Variants in TSPYL5 observed in about 807,000 individuals in gnomAD.
The protein encoded by TSPYL5 is testis-specific Y-encoded-like protein 5.
For synonymous variants in TSPYL5, 276 were observed against 236.1 expected (o/e 1.17, Z -1.55); for missense variants, 556 against 555.5 (o/e 1.00, Z -0.01).
Position 97,276,943 on chromosome 8 carries a change from T to C in TSPYL5, c.902A>G (p.Asn301Ser), listed in dbSNP as rs1241903897. The C allele has an allele frequency of 6.2e-7, 1 of 1,614,018 alleles. No homozygotes were observed. The highest frequency in any genetic ancestry group is 8.5e-7 in the Non-Finnish European group (1 of 1,180,042). ...GAGCACCTTATTTTGGAAATACGGG[T>C]TGCGATCGAAGTAGAACTTGATTTT... The part of the protein sequence containing the change: ...GYKIKFYFDR[N>S]PYFQNKVLIK... Residue 301 changes from asparagine to serine, a missense_variant, in exon 1 of 1, where the codon AAC becomes AGC. Physicochemically the swap from Asn to Ser is conservative, Grantham distance 46. Transcript: ENST00000322128.
At position 97,276,427 on chromosome 8, in the gene TSPYL5, G is replaced by A. The variant is rs59087704; in HGVS notation, c.*164C>T. 1 of 879,230 alleles carries A rather than the reference G, an allele frequency of 1.1e-6. No individual in the cohort carries two copies. The highest frequency in any genetic ancestry group is 1.8e-6 in the Non-Finnish European group (1 of 561,524). The allele number at this position is 879,230 out of a possible 1,614,324, so 54.5% of individuals were successfully genotyped here. The stretch of plus-strand genomic sequence containing the variant: ...GTGACACTAACGTAGAAAAGCAAGA[G>A]GCTATGGGAGGCAAAAGAACATGAT... On this transcript the variant is annotated 3_prime_UTR_variant, in exon 1 of 1. Transcript: ENST00000322128.
chr8:97,277,923 GTC>G lies in TSPYL5; in HGVS notation c.-81_-80del, dbSNP rs1338156140. 1.5e-6 allele frequency: 2 copies of G among 1,293,104 alleles called. No homozygotes were observed. Among genetic ancestry groups the G allele is most frequent in the African/African-American group, 3.1e-5 (2 of 64,654 alleles). The allele number at this position is 1,293,104 out of a possible 1,614,324, so 80.1% of individuals were successfully genotyped here. A position where few individuals can be genotyped will look rare whatever the true frequency, so the allele number is the denominator to read the frequency against. ...CCAGCTCTCGGTCGGGACCGAGCGG[GTC>G]TCTCCACGGCAACCGCCGACGTCAC... is the stretch of plus-strand genomic sequence containing the variant. On this transcript the variant is annotated 5_prime_UTR_variant, in exon 1 of 1. Transcript: ENST00000322128. The surrounding 1 kb of genome is among the most constrained non-coding windows in gnomAD (Gnocchi z 4.5).
rs1257145428 is a variant in TSPYL5 at position 97,277,883 on chromosome 8, C to T, written c.-39G>A. Reference sequence around the variant, plus strand: ...GCAGCTTCAAAGACACGCTGTGACCCTGCGGCTCCTGACGCCAGCTCTCGG... The same window carrying T: ...GCAGCTTCAAAGACACGCTGTGACCTTGCGGCTCCTGACGCCAGCTCTCGG... On this transcript the variant is annotated 5_prime_UTR_variant, in exon 1 of 1. Transcript: ENST00000322128. The surrounding 1 kb of genome is among the most constrained non-coding windows in gnomAD (Gnocchi z 4.5). The T allele has an allele frequency of 5.1e-6, 7 of 1,359,304 alleles. No homozygotes were observed. Among genetic ancestry groups the T allele is most frequent in the African/African-American group, 3.0e-5 (2 of 66,136 alleles). The allele number at this position is 1,359,304 out of a possible 1,614,324, so 84.2% of individuals were successfully genotyped here.
rs778654266 is a variant in TSPYL5 at position 97,277,099 on chromosome 8, G to C, written c.746C>G (p.Pro249Arg). 6.8e-6 allele frequency: 11 copies of C among 1,611,848 alleles called. No individual in the cohort carries two copies. In the Admixed American group the frequency reaches 8.3e-5, roughly 12 times the overall value. Residue 249 changes from proline to arginine, a missense_variant, in exon 1 of 1, where the codon CCG becomes CGG. Physicochemically the swap from Pro to Arg is moderately radical, Grantham distance 103 (BLOSUM62 -2). Coordinates refer to ENST00000322128, the MANE Select transcript of TSPYL5 (RefSeq NM_033512.3). This position sits in a 1 kb window ranked among gnomAD's most constrained non-coding sequence, Gnocchi z 4.5. ...CTGAAATGCTTGCCCCCAGAAGCCC[G>C]GGATATTTTGGATGAGGTGGTTCCT... ...ERRNHLIQNI[P>R]GFWGQAFQNH...
rs1412772772 is a variant in TSPYL5 at position 97,277,533 on chromosome 8, G to C, written c.312C>G (p.Pro104=). 13 of 1,496,870 alleles carry C rather than the reference G, an allele frequency of 8.7e-6. No homozygotes were observed. Among genetic ancestry groups the C allele is most frequent in the South Asian group, 2.7e-5 (2 of 73,634 alleles). The allele number at this position is 1,496,870 out of a possible 1,614,324, so 92.7% of individuals were successfully genotyped here. The change falls in exon 1 of 1, where the codon CCC becomes CCG. Residue 104 remains proline (P), a synonymous_variant. Coordinates refer to ENST00000322128, the MANE Select transcript of TSPYL5 (RefSeq NM_033512.3). The surrounding 1 kb of genome is among the most constrained non-coding windows in gnomAD (Gnocchi z 4.5). ...AGDHGQAAAR[P]GPGKAASLSE... ...AGAGAGATGCGGCCTTCCCCGGGCCGGGCCTGGCCGCGGCCTGCCCGTGGT... is the reference window on the plus strand; with the variant it reads ...AGAGAGATGCGGCCTTCCCCGGGCCCGGCCTGGCCGCGGCCTGCCCGTGGT...
In TSPYL5 at chr8:97,277,801, T is replaced by G. The variant is rs1029385158; in HGVS notation, c.44A>C (p.Asn15Thr). Residue 15 changes from asparagine (N) to threonine (T), a missense_variant, in exon 1 of 1, where the codon AAC becomes ACC. Physicochemically the swap from Asn to Thr is moderately conservative, Grantham distance 65 (BLOSUM62 0). Transcript: ENST00000322128. The surrounding 1 kb of genome is among the most constrained non-coding windows in gnomAD (Gnocchi z 4.5). ...SRGRKSSRAK[N>T]RGKGRAKARV... ...GGCTTTGGCGCGGCCTTTGCCCCGG[T>G]TTTTGGCGCGGGAGGACTTTCGACC... 31 of 1,466,504 alleles carry G rather than the reference T, an allele frequency of 2.1e-5. No homozygotes were observed. Among genetic ancestry groups the G allele is most frequent in the Admixed American group, 5.0e-5 (2 of 39,958 alleles). The allele number at this position is 1,466,504 out of a possible 1,614,324, so 90.8% of individuals were successfully genotyped here. A position where few individuals can be genotyped will look rare whatever the true frequency, so the allele number is the denominator to read the frequency against.
At position 97,274,455 on chromosome 8, in the gene TSPYL5, C is replaced by G. The variant is rs2130734106; in HGVS notation, c.*2136G>C. On this transcript the variant is annotated 3_prime_UTR_variant, in exon 1 of 1. Transcript: ENST00000322128. ...AAAATCTACTAATGATAAGATTGGACAAAACTTTGGGAACATCCTCAACTA... is the reference window on the plus strand; with the variant it reads ...AAAATCTACTAATGATAAGATTGGAGAAAACTTTGGGAACATCCTCAACTA... 1 of 152,214 alleles carries G rather than the reference C, an allele frequency of 6.6e-6. No individual in the cohort carries two copies. The highest frequency in any genetic ancestry group is 3.4e-3 in the Middle Eastern group (1 of 294). 9.4% of individuals were successfully genotyped at this position (152,214 alleles called of 1,614,324 possible). A position where few individuals can be genotyped will look rare whatever the true frequency, so the allele number is the denominator to read the frequency against.
chr8:97,274,633 T>C lies in TSPYL5; in HGVS notation c.*1958A>G, dbSNP rs1810483296. 6.6e-6 allele frequency: 1 copy of C among 152,212 alleles called. No individual in the cohort carries two copies. The highest frequency in any genetic ancestry group is 1.5e-5 in the Non-Finnish European group (1 of 68,062). The allele number at this position is 152,212 out of a possible 1,614,324, so 9.4% of individuals were successfully genotyped here. A position where few individuals can be genotyped will look rare whatever the true frequency, so the allele number is the denominator to read the frequency against. ...GCAGGCCCACTCCATACCAGTATCA[T>C]GCCTACTCGACGGTTTTGCTCCAAA... On this transcript the variant is annotated 3_prime_UTR_variant, in exon 1 of 1. Transcript: ENST00000322128.
At position 97,274,417 on chromosome 8, in the gene TSPYL5, C is replaced by G. The variant is rs564863614; in HGVS notation, c.*2174G>C. On this transcript the variant is annotated 3_prime_UTR_variant, in exon 1 of 1. Transcript: ENST00000322128. Reference sequence around the variant, plus strand: ...TAACATTATTCCGTTTCTGGTTTGTCTCTGTGGCTTATAAAATCTACTAAT... The same window carrying G: ...TAACATTATTCCGTTTCTGGTTTGTGTCTGTGGCTTATAAAATCTACTAAT... 6.6e-6 allele frequency: 1 copy of G among 152,248 alleles called. No individual in the cohort carries two copies. Among genetic ancestry groups the G allele is most frequent in the South Asian group, 2.1e-4 (1 of 4,806 alleles). The allele number at this position is 152,248 out of a possible 1,614,324, so 9.4% of individuals were successfully genotyped here. A position where few individuals can be genotyped will look rare whatever the true frequency, so the allele number is the denominator to read the frequency against.
chr8:97,276,349 T>A lies in TSPYL5; in HGVS notation c.*242A>T. The A allele has an allele frequency of 1.9e-6, 1 of 517,338 alleles. No individual in the cohort carries two copies. Among genetic ancestry groups the A allele is most frequent in the Non-Finnish European group, 3.4e-6 (1 of 294,632 alleles). 32.0% of individuals were successfully genotyped at this position (517,338 alleles called of 1,614,324 possible). A position where few individuals can be genotyped will look rare whatever the true frequency, so the allele number is the denominator to read the frequency against. ...CAATGTAGATAACAGGGAGCACACA[T>A]CTAAAGTATGTGTGCTTAACATATG... On this transcript the variant is annotated 3_prime_UTR_variant, in exon 1 of 1. Coordinates refer to ENST00000322128, the MANE Select transcript of TSPYL5 (RefSeq NM_033512.3).
chr8:97,277,389 G>A lies in TSPYL5; in HGVS notation c.456C>T (p.Thr152=), dbSNP rs139018901. The change falls in exon 1 of 1, where the codon ACC becomes ACT. Residue 152 remains threonine, a synonymous_variant. Coordinates refer to ENST00000322128, the MANE Select transcript of TSPYL5 (RefSeq NM_033512.3). The surrounding 1 kb of genome is among the most constrained non-coding windows in gnomAD (Gnocchi z 4.5). ...GAGGCCCCCTCCCCGCGGTGCTACA[G>A]GTTTCTGGGGCCTTCTTCCCGGCAG... is the stretch of plus-strand genomic sequence containing the variant. ...RGPAGKKAPE[T]CSTAGRGPQV... The A allele has an allele frequency of 5.0e-6, 8 of 1,588,242 alleles. No homozygotes were observed. Among genetic ancestry groups the A allele is most frequent in the East Asian group, 4.5e-5 (2 of 44,666 alleles).
chr8:97,275,602 G>A lies in TSPYL5; in HGVS notation c.*989C>T, dbSNP rs62507239. ...ACGGGAATAAGGGAAGTTGACAATG[G>A]TATCTGGATTCTATATAGGCCCAGT... On this transcript the variant is annotated 3_prime_UTR_variant, in exon 1 of 1. Coordinates refer to ENST00000322128, the MANE Select transcript of TSPYL5 (RefSeq NM_033512.3). 0.11 allele frequency: 16,566 copies of A among 152,168 alleles called. 1,159 individuals carry two copies. Among genetic ancestry groups the A allele is most frequent in the Non-Finnish European group, 0.16 (10,720 of 68,040 alleles). The allele number at this position is 152,168 out of a possible 1,614,324, so 9.4% of individuals were successfully genotyped here.
rs571578081 is a variant in TSPYL5, at chr8:97,275,246, T to C, written c.*1345A>G. ...TGGCCTTCTGGTTTCCTCAACTCTCTTTCAACCTAGTATGTGTGCGCAGTG... is the reference window on the plus strand; with the variant it reads ...TGGCCTTCTGGTTTCCTCAACTCTCCTTCAACCTAGTATGTGTGCGCAGTG... On this transcript the variant is annotated 3_prime_UTR_variant, in exon 1 of 1. Coordinates refer to ENST00000322128, the MANE Select transcript of TSPYL5 (RefSeq NM_033512.3). 12 of 152,254 alleles carry C rather than the reference T, an allele frequency of 7.9e-5. No homozygotes were observed. The South Asian group carries it at 2.5e-3, about 32-fold the overall frequency. 9.4% of individuals were successfully genotyped at this position (152,254 alleles called of 1,614,324 possible). A position where few individuals can be genotyped will look rare whatever the true frequency, so the allele number is the denominator to read the frequency against.
At position 97,277,701 on chromosome 8, in the gene TSPYL5, G is replaced by A. The variant is rs764320030; in HGVS notation, c.144C>T (p.Thr48=). ...PSQYQSLGED[T]QAAQVQAGAG... is the part of the protein sequence containing the mutation. ...CGCCAGCCTGCACCTGTGCCGCCTG[G>A]GTGTCTTCCCCGAGACTCTGGTACT... The change falls in exon 1 of 1, where the codon ACC becomes ACT. Residue 48 remains threonine (T), a synonymous_variant. Coordinates refer to ENST00000322128, the MANE Select transcript of TSPYL5 (RefSeq NM_033512.3). This position sits in a 1 kb window ranked among gnomAD's most constrained non-coding sequence, Gnocchi z 4.5. 5 of 1,557,352 alleles carry A rather than the reference G, an allele frequency of 3.2e-6. No homozygotes were observed. The highest frequency in any genetic ancestry group is 4.3e-6 in the Non-Finnish European group (5 of 1,155,752).
In TSPYL5 at chr8:97,274,771, G is replaced by C. The variant is rs1198561937; in HGVS notation, c.*1820C>G. Reference sequence around the variant, plus strand: ...GTAGGGAAGAACAGGTGTAGATACAGTCCTTCTTACCCACCCTCAGGGATA... The same window carrying C: ...GTAGGGAAGAACAGGTGTAGATACACTCCTTCTTACCCACCCTCAGGGATA... On this transcript the variant is annotated 3_prime_UTR_variant, in exon 1 of 1. Coordinates refer to ENST00000322128, the MANE Select transcript of TSPYL5 (RefSeq NM_033512.3). 6.6e-6 allele frequency: 1 copy of C among 152,184 alleles called. No individual in the cohort carries two copies. The highest frequency in any genetic ancestry group is 2.4e-5 in the African/African-American group (1 of 41,420). The allele number at this position is 152,184 out of a possible 1,614,324, so 9.4% of individuals were successfully genotyped here. A position where few individuals can be genotyped will look rare whatever the true frequency, so the allele number is the denominator to read the frequency against.
rs779072713 is a variant in TSPYL5 at position 97,276,656 on chromosome 8, C to T, written c.1189G>A (p.Gly397Ser). 6.2e-7 allele frequency: 1 copy of T among 1,614,116 alleles called. No individual in the cohort carries two copies. The highest frequency in any genetic ancestry group is 8.5e-7 in the Non-Finnish European group (1 of 1,180,018). ...ARVEKGKEKE[G>S]RQGPGKQPME... is the part of the protein sequence containing the mutation. ...GGCTGCTTTCCTGGACCTTGCCTGC[C>T]TTCTTTTTCCTTTCCTTTCTCTACA... The change falls in exon 1 of 1, where the codon GGC becomes AGC. Residue 397 changes from glycine to serine, a missense_variant. Physicochemically the swap from Gly to Ser is moderately conservative, Grantham distance 56. Coordinates refer to ENST00000322128, the MANE Select transcript of TSPYL5 (RefSeq NM_033512.3).
Position 97,275,033 on chromosome 8 carries a change from A to G in TSPYL5, c.*1558T>C, listed in dbSNP as rs2583501. On this transcript the variant is annotated 3_prime_UTR_variant, in exon 1 of 1. Transcript: ENST00000322128. ...GGCCAGAGGCTACCACAAAGGAGGA[A>G]ACAGCAGGAGGCACTTGGGTCTTAG... is the stretch of plus-strand genomic sequence containing the variant. The G allele has an allele frequency of 0.23, 35,560 of 152,584 alleles. 6,037 individuals are homozygous for G. Among genetic ancestry groups the G allele is most frequent in the African/African-American group, 0.48 (19,974 of 41,384 alleles). 9.5% of individuals were successfully genotyped at this position (152,584 alleles called of 1,614,324 possible). A position where few individuals can be genotyped will look rare whatever the true frequency, so the allele number is the denominator to read the frequency against.
chr8:97,277,643 C>T lies in TSPYL5; in HGVS notation c.202G>A (p.Ala68Thr), dbSNP rs776157428. The T allele has an allele frequency of 4.1e-6, 6 of 1,458,388 alleles. No individual in the cohort carries two copies. Among genetic ancestry groups the T allele is most frequent in the East Asian group, 5.8e-5 (2 of 34,506 alleles). 90.3% of individuals were successfully genotyped at this position (1,458,388 alleles called of 1,614,324 possible). ...TCCTCCCCGAGCCGGAGGAGCTGCGCGGACGCAGCGGCTTCCAGGCCACCC... is the reference window on the plus strand; with the variant it reads ...TCCTCCCCGAGCCGGAGGAGCTGCGTGGACGCAGCGGCTTCCAGGCCACCC... ...GWGGLEAAAS[A>T]QLLRLGEEAA... Residue 68 changes from alanine to threonine, a missense_variant, in exon 1 of 1, where the codon GCG becomes ACG. Physicochemically the swap from Ala to Thr is moderately conservative, Grantham distance 58. Coordinates refer to ENST00000322128, the MANE Select transcript of TSPYL5 (RefSeq NM_033512.3). The surrounding 1 kb of genome is among the most constrained non-coding windows in gnomAD (Gnocchi z 4.5).
Position 97,276,749 on chromosome 8 carries a change from C to T in TSPYL5, c.1096G>A (p.Val366Met), listed in dbSNP as rs1810524981. 1 of 1,614,066 alleles carries T rather than the reference C, an allele frequency of 6.2e-7. No homozygotes were observed. Among genetic ancestry groups the T allele is most frequent in the Admixed American group, 1.7e-5 (1 of 59,996 alleles). Residue 366 changes from valine to methionine, a missense_variant, in exon 1 of 1, where the codon GTG (valine) becomes ATG (methionine). Val to Met is a conservative substitution (Grantham distance 21). Transcript: ENST00000322128. ...CACAATTCTTCGTTGATTATCTCCA[C>T]AATCTTGTCAGACTCAATGGAGCTG... ...NHSSIESDKI[V>M]EIINEELWPN... is the part of the protein sequence containing the mutation.
Sources: allele counts gnomAD v4.1 joint callset, GRCh38; gene constraint gnomAD v4.1.1; non-coding constraint Gnocchi (gnomAD v3.1); transcripts MANE v1.5; gene names NCBI Gene and HGNC (gene_info 2026-07-23, HGNC 2026-07-21).